The following CNTNAP2 variants were observed in gnomAD, a reference collection of about 807,000 sequenced individuals.
CNTNAP2 encodes the protein contactin-associated protein-like 2.
A neutral mutation model predicts 155.2 loss-of-function variants in CNTNAP2; 98 were observed. The ratio of observed to expected loss-of-function variants is 0.63; its 90% CI spans 0.54 to 0.75. CNTNAP2 has a LOEUF of 0.75. CNTNAP2 is among the 30% of genes least tolerant of loss of function. The pLI, the probability that CNTNAP2 is intolerant of heterozygous loss-of-function variation, is 0.00. For missense variants in CNTNAP2, 1,727 were observed against 1,688.1 expected, an observed-to-expected ratio of 1.02 and a Z score of -0.40; for synonymous variants, 651 against 631.2, an observed-to-expected ratio of 1.03 and a Z score of -0.47.
At chr7:146,515,030 G>A (rs1797520610) in intron 1 of CNTNAP2, among the ~76,000 whole-genome samples, 1 of 152,018 alleles carries the variant, frequency 6.6e-6, no homozygotes, top group Non-Finnish European at 1.5e-5. Context: ...TCCCAGCTAT[G>A]TGAAAAGGCT....
At chr7:148,085,294 T>A (rs1048895001) in intron 15 of CNTNAP2, among the ~76,000 whole-genome samples, 3 of 152,190 alleles carry the variant, frequency 2.0e-5, no homozygotes, top group African/African-American at 7.2e-5. Flanking sequence ...CTCAGAAAAT[T>A]TTATGAGAAA....
chr7:147,403,653 C>A (rs938837204), intron 10 of CNTNAP2, among the ~76,000 whole-genome samples: 2 of 152,074 alleles, frequency 1.3e-5, no homozygotes, highest in African/African-American at 4.8e-5. Flanking sequence ...AAAAATATAG[C>A]TTTTTCCAAT....
At chr7:147,495,242 T>C (rs1198577627) in intron 11 of CNTNAP2, among the ~76,000 whole-genome samples, 2 of 152,186 alleles carry the variant, frequency 1.3e-5, no homozygotes, top group Non-Finnish European at 2.9e-5. Flanking sequence ...CTGAGCTAAG[T>C]TCCTTTCAGA....
chr7:146,975,001 G>T (rs1424154018), intron 3 of CNTNAP2, among the ~76,000 whole-genome samples: 1 of 152,060 alleles, frequency 6.6e-6, no homozygotes, highest in Non-Finnish European at 1.5e-5. Context: ...AACAAGAATA[G>T]ACAGTATATT....
chr7:147,704,974 T>A (rs1796289431), intron 13 of CNTNAP2, among the ~76,000 whole-genome samples: 1 of 152,240 alleles, frequency 6.6e-6, no homozygotes, highest in East Asian at 1.9e-4. Context: ...TTGGCTTGTC[T>A]AGCTAACAGT....
intron 2 of CNTNAP2, among the ~76,000 whole-genome samples, chr7:146,777,933 T>C (rs1483583419): frequency 6.6e-6 from 1 of 151,932 alleles, no homozygotes; most frequent in African/African-American, 2.4e-5. Flanking sequence ...CATGATGTTA[T>C]ATATCTGGAA....
chr7:146,298,383 A>G (rs1412915064), intron 1 of CNTNAP2, among the ~76,000 whole-genome samples: 1 of 152,230 alleles, frequency 6.6e-6, no homozygotes, highest in Non-Finnish European at 1.5e-5. Context: ...CAAGAAACAG[A>G]AGATATTACT....
intron 1 of CNTNAP2, among the ~76,000 whole-genome samples, chr7:146,680,801 A>C (rs750866518): frequency 1.5e-4 from 23 of 152,196 alleles, no homozygotes; most frequent in Non-Finnish European, 3.2e-4. Context: ...GACATACTAG[A>C]AAGAAACATG....
At chr7:146,525,315 A>G (rs987803109) in intron 1 of CNTNAP2, among the ~76,000 whole-genome samples, 3 of 152,130 alleles carry the variant, frequency 2.0e-5, no homozygotes, top group Non-Finnish European at 2.9e-5. Flanking sequence ...CGCCACTTAC[A>G]TATTTTCATG....
intron 15 of CNTNAP2, among the ~76,000 whole-genome samples, chr7:148,098,723 A>G (rs1804026027): frequency 1.3e-5 from 2 of 152,284 alleles, no homozygotes; most frequent in Admixed American, 6.5e-5. Context: ...TTTACGTGCT[A>G]TGTATTCCAT....
At chr7:147,953,712 GA>G (rs1800974977) in intron 14 of CNTNAP2, among the ~76,000 whole-genome samples, 1 of 152,070 alleles carries the variant, frequency 6.6e-6, no homozygotes, top group South Asian at 2.1e-4. Flanking sequence ...CCAGAAGCCT[GA>G]AATCAAGGTA....
At chr7:147,614,166 T>C (rs1285594754) in intron 12 of CNTNAP2, among the ~76,000 whole-genome samples, 1 of 152,212 alleles carries the variant, frequency 6.6e-6, no homozygotes, top group African/African-American at 2.4e-5. Flanking sequence ...GTCTCTGCAT[T>C]GTTCTTCAAC....
At chr7:147,311,415 C>A (rs1455417677) in intron 9 of CNTNAP2, among the ~76,000 whole-genome samples, 4 of 152,112 alleles carry the variant, frequency 2.6e-5, no homozygotes, top group Non-Finnish European at 4.4e-5. Flanking sequence ...ATTGGCCAGT[C>A]TCTAGCAAAA....
intron 13 of CNTNAP2, among the ~76,000 whole-genome samples, chr7:147,820,859 A>G (rs1318487067): frequency 6.6e-6 from 1 of 152,084 alleles, no homozygotes; most frequent in Non-Finnish European, 1.5e-5. Flanking sequence ...TTTCTGTCCC[A>G]TTGATTTATT....
chr7:146,721,889 A>ATATATATATTTTTTTTTTT lies in CNTNAP2; in HGVS notation c.98-52381_98-52380insATATATATTTTTTTTTTTT. ...TGTGTGTGTGTGTATATATATATAT[A>ATATATATATTTTTTTTTTT]TTTTTTTTTTTTTTTTTGAGATGGA... On this transcript the variant is annotated intron_variant, in intron 1 of 23. Coordinates refer to ENST00000361727, the MANE Select transcript of CNTNAP2 (RefSeq NM_014141.6). 1.9e-4 allele frequency among the ~76,000 whole-genome samples: 13 copies of ATATATATATTTTTTTTTTT among 69,708 alleles called. 2 individuals carry two copies. The African/African-American group carries it at 2.3e-3, about 12-fold the overall frequency. The allele number at this position is 69,708 out of a possible 152,430, so 45.7% of individuals were successfully genotyped here. A position where few individuals can be genotyped will look rare whatever the true frequency, so the allele number is the denominator to read the frequency against.
intron 1 of CNTNAP2, among the ~76,000 whole-genome samples, chr7:146,160,578 A>G (rs191667508): frequency 1.7e-4 from 26 of 152,366 alleles, no homozygotes; most frequent in African/African-American, 6.0e-4. Context: ...AAACATCTCC[A>G]CGCAAATAAA....
intron 15 of CNTNAP2, among the ~76,000 whole-genome samples, chr7:148,064,363 T>C (rs775598029): frequency 4.6e-5 from 7 of 152,066 alleles, no homozygotes; most frequent in Non-Finnish European, 8.8e-5. Flanking sequence ...TCCACAAGGA[T>C]GAGATGTGTT....
chr7:146,372,121 A>C (rs1795245954), intron 1 of CNTNAP2, among the ~76,000 whole-genome samples: 1 of 152,206 alleles, frequency 6.6e-6, no homozygotes, highest in African/African-American at 2.4e-5. Flanking sequence ...GAGTGGAAAG[A>C]ACAGATGTTA....
At chr7:148,061,812 A>G (rs1803137187) in intron 15 of CNTNAP2, among the ~76,000 whole-genome samples, 1 of 147,576 alleles carries the variant, frequency 6.8e-6, no homozygotes, top group Non-Finnish European at 1.5e-5. Context: ...ACATGTGTGC[A>G]TGTGTGTGTG....
Sources: gnomAD v4.1 joint callset for allele counts (sites outside exome capture counted in the v4.1 genomes callset) on GRCh38, gnomAD v4.1.1 for gene constraint, MANE v1.5 for transcripts, NCBI Gene and HGNC (gene_info 2026-07-23, HGNC 2026-07-21) for gene names.